Variants in KMT2E observed in about 807,000 individuals in gnomAD.
The protein encoded by KMT2E is histone reader KMT2E.
In KMT2E, 30 loss-of-function variants were observed where a neutral mutation model predicts 184.6. The ratio of observed to expected loss-of-function variants is 0.16; its 90% CI spans 0.12 to 0.22. The LOEUF (loss-of-function observed/expected upper bound fraction) is 0.22, where lower values mean the gene tolerates loss of function less well. Among genes scored for constraint, KMT2E ranks in the 10% least tolerant of loss-of-function variants. KMT2E has a pLI of 1.00. For synonymous variants in KMT2E, 815 were observed against 776.5 expected (o/e 1.05, Z -0.82); for missense variants, 2,023 against 2,237.4 (o/e 0.90, Z 1.93).
At chr7:105,052,647 A>G (rs1277889700) in intron 3 of KMT2E, among the ~76,000 whole-genome samples, 1 of 151,912 alleles carries the variant, frequency 6.6e-6, no homozygotes, top group African/African-American at 2.4e-5. Flanking sequence ...CAACTTCTGC[A>G]TCCTGGGTTC....
intron 15 of KMT2E, among the ~76,000 whole-genome samples, chr7:105,092,693 C>T (rs1216293100): frequency 6.6e-6 from 1 of 152,156 alleles, no homozygotes; most frequent in African/African-American, 2.4e-5. Flanking sequence ...TGTGCCTTTT[C>T]AAGTTACCTA....
At position 105,107,538 on chromosome 7, in the gene KMT2E, C is replaced by T. The variant is rs1028187310; in HGVS notation, c.3081C>T (p.Leu1027=). The change falls in exon 22 of 27, where the codon CTC becomes CTT. Residue 1027 remains leucine, a synonymous_variant. Coordinates refer to ENST00000311117, the MANE Select transcript of KMT2E (RefSeq NM_182931.3). The part of the protein sequence containing the change: ...KEPVSDLQLG[L]DAVEPTALHK... ...CTGTGTCAGACCTTCAGCTAGGACT[C>T]GATGCAGTTGAGCCAACTGCCCTAC... 4 of 1,614,106 alleles carry T rather than the reference C, an allele frequency of 2.5e-6. No homozygotes were observed. The highest frequency in any genetic ancestry group is 2.5e-6 in the Non-Finnish European group (3 of 1,180,016).
At chr7:105,101,764 TTATTATA>T (rs1352611108) in intron 16 of KMT2E, 115 bp from the exon 17 acceptor site, 3 of 993,622 alleles carry the variant, frequency 3.0e-6, no homozygotes, top group South Asian at 1.8e-5. Flanking sequence ...TCTCTGTTCT[TTATTATA>T]TATCAGAATT....
At chr7:105,094,561 T>A (rs1798329107) in intron 15 of KMT2E, among the ~76,000 whole-genome samples, 1 of 152,190 alleles carries the variant, frequency 6.6e-6, no homozygotes, top group African/African-American at 2.4e-5. Flanking sequence ...AGTTCTGGAT[T>A]TCAGAGCATT....
At chr7:105,076,892 G>C (rs998070731) in intron 9 of KMT2E, 71 bp from the exon 10 acceptor site, 70 of 744,344 alleles carry the variant, frequency 9.4e-5, no homozygotes, top group Middle Eastern at 4.7e-4. Context: ...GTGTGTGTGT[G>C]TGTGTGTGTG....
chr7:105,016,364 C>T (rs1043660078), intron 1 of KMT2E, among the ~76,000 whole-genome samples: 1 of 152,056 alleles, frequency 6.6e-6, no homozygotes, highest in Non-Finnish European at 1.5e-5. Context: ...TTACAGCATA[C>T]TATCATCATT....
At chr7:105,018,424 G>T (rs988334916) in intron 1 of KMT2E, among the ~76,000 whole-genome samples, 5 of 152,144 alleles carry the variant, frequency 3.3e-5, no homozygotes, top group Non-Finnish European at 7.4e-5. Flanking sequence ...GCAGATGGTA[G>T]GTGCTTAATT....
At chr7:105,094,342 C>CA (rs1798321506) in intron 15 of KMT2E, among the ~76,000 whole-genome samples, 1 of 152,150 alleles carries the variant, frequency 6.6e-6, no homozygotes, top group Non-Finnish European at 1.5e-5. Flanking sequence ...AAACTTACGT[C>CA]AAACTGATTT....
At chr7:105,080,465 G>A (rs1169600900) in intron 12 of KMT2E, among the ~76,000 whole-genome samples, 4 of 151,718 alleles carry the variant, frequency 2.6e-5, no homozygotes, top group Non-Finnish European at 4.4e-5. Context: ...GAACTCCTGG[G>A]CTCAAGTGTT....
chr7:105,090,387 G>T, intron 14 of KMT2E, 114 bp downstream of exon 14: 1 of 1,179,758 alleles, frequency 8.5e-7, no homozygotes, highest in Non-Finnish European at 1.2e-6. Context: ...AGTCCATTCT[G>T]TCATTTAATG....
chr7:105,039,991 A>G (rs950996144), intron 2 of KMT2E, among the ~76,000 whole-genome samples: 1 of 150,598 alleles, frequency 6.6e-6, no homozygotes, highest in Non-Finnish European at 1.5e-5. Context: ...GCTATTGTAA[A>G]TTTGTTTAAA....
intron 15 of KMT2E, among the ~76,000 whole-genome samples, chr7:105,098,107 A>G (rs1290164722): frequency 6.6e-6 from 1 of 152,206 alleles, no homozygotes; most frequent in African/African-American, 2.4e-5. Flanking sequence ...TTTTAGATTT[A>G]TAAGTTTATC....
At chr7:105,073,589 A>T (rs1258904301) in intron 6 of KMT2E, 30 bp from the exon 7 acceptor site, 2 of 1,400,158 alleles carry the variant, frequency 1.4e-6, no homozygotes, top group Admixed American at 3.4e-5. Flanking sequence ...CATGTATTTG[A>T]TAAATAATTA....
chr7:105,020,934 C>T (rs1794923771), intron 1 of KMT2E, among the ~76,000 whole-genome samples: 1 of 152,174 alleles, frequency 6.6e-6, no homozygotes, highest in African/African-American at 2.4e-5. Context: ...GTATGAGAAA[C>T]ATACACTCTT....
chr7:105,100,715 A>C (rs1191216122), intron 15 of KMT2E, among the ~76,000 whole-genome samples: 2 of 152,218 alleles, frequency 1.3e-5, no homozygotes, highest in Non-Finnish European at 2.9e-5. Context: ...AGAGGACTAA[A>C]GTAGAAATAA....
intron 15 of KMT2E, among the ~76,000 whole-genome samples, chr7:105,094,500 C>T (rs949875885): frequency 1.3e-5 from 2 of 152,200 alleles, no homozygotes; most frequent in African/African-American, 4.8e-5. Context: ...ATCCAAAAAT[C>T]TGAAATGCTC....
At chr7:105,046,651 G>A (rs147336424) in intron 3 of KMT2E, among the ~76,000 whole-genome samples, 169 of 152,258 alleles carry the variant, frequency 1.1e-3, no homozygotes, top group Middle Eastern at 3.4e-3. Flanking sequence ...CTGAAAGTTT[G>A]TGTCTACTCA....
In KMT2E at chr7:105,109,129, C is replaced by T; in HGVS notation, c.3656C>T (p.Thr1219Ile). 6.2e-7 allele frequency: 1 copy of T among 1,614,158 alleles called. No individual in the cohort carries two copies. Among genetic ancestry groups the T allele is most frequent in the Non-Finnish European group, 8.5e-7 (1 of 1,180,002 alleles). The change falls in exon 23 of 27, where the codon ACA becomes ATA. Residue 1219 changes from threonine to isoleucine, a missense_variant. Thr to Ile is a moderately conservative substitution (Grantham distance 89). Around this residue, in one of 8 missense-constraint regions of KMT2E, gnomAD observed 1,108 missense variants for 1,050.9 expected, o/e 1.05. Coordinates refer to ENST00000311117, the MANE Select transcript of KMT2E (RefSeq NM_182931.3). ...CACACTGCTAGCCTACCTTTACCAACACCAGCTACAGTTTATAATGCCACT... is the reference window on the plus strand; with the variant it reads ...CACACTGCTAGCCTACCTTTACCAATACCAGCTACAGTTTATAATGCCACT... ...VDHTASLPLP[T>I]PATVYNATSE...
At chr7:105,097,789 G>A (rs1379902447) in intron 15 of KMT2E, among the ~76,000 whole-genome samples, 6 of 152,136 alleles carry the variant, frequency 3.9e-5, no homozygotes, top group Non-Finnish European at 7.3e-5. Context: ...AATGCTTCCA[G>A]TTAGTTACAT....
Sources: gnomAD v4.1 joint callset for allele counts (sites outside exome capture counted in the v4.1 genomes callset) on GRCh38, gnomAD v4.1.1 for gene constraint, gnomAD v4.1.1 regional missense constraint, MANE v1.5 for transcripts, NCBI Gene and HGNC (gene_info 2026-07-23, HGNC 2026-07-21) for gene names.